Variants in TLL1 observed in about 807,000 individuals in gnomAD.
TLL1 encodes the protein tolloid like 1.
A neutral mutation model predicts 128.2 loss-of-function variants in TLL1; 49 were observed. That is an observed-to-expected ratio of 0.38 (90% CI 0.30 to 0.48). TLL1 has a LOEUF of 0.48. TLL1 is among the 20% of genes least tolerant of loss of function. The probability of loss-of-function intolerance (pLI) is 0.96; values close to 1 mark genes in which losing one functional copy is unlikely to be tolerated. For synonymous variants in TLL1, 454 were observed against 418.8 expected, an observed-to-expected ratio of 1.08 and a Z score of -1.03; for missense variants, 1,123 against 1,242.0, an observed-to-expected ratio of 0.90 and a Z score of 1.44.
chr4:165,921,025 G>A (rs922115167), intron 1 of TLL1, among the ~76,000 whole-genome samples: 5 of 152,134 alleles, frequency 3.3e-5, no homozygotes, highest in Middle Eastern at 3.2e-3. Flanking sequence ...TGGGAAGAGC[G>A]TGGAACATGC....
intron 1 of TLL1, among the ~76,000 whole-genome samples, chr4:165,899,724 G>T (rs1731864739): frequency 6.6e-6 from 1 of 152,164 alleles, no homozygotes. Flanking sequence ...GAGTTCTGTA[G>T]ATGTCTATCA....
chr4:165,965,112 A>AT (rs1402762750), intron 1 of TLL1, among the ~76,000 whole-genome samples: 1 of 152,054 alleles, frequency 6.6e-6, no homozygotes, highest in Non-Finnish European at 1.5e-5. Flanking sequence ...CAAAAACTGC[A>AT]TTTTTAGTCT....
intron 1 of TLL1, among the ~76,000 whole-genome samples, chr4:165,973,213 G>A (rs1321450242): frequency 6.6e-6 from 1 of 152,092 alleles, no homozygotes; most frequent in Non-Finnish European, 1.5e-5. Flanking sequence ...AGCAAGTAGT[G>A]GCTCAGTCTG....
intron 1 of TLL1, among the ~76,000 whole-genome samples, chr4:165,980,537 A>T (rs1736108190): frequency 6.6e-6 from 1 of 152,170 alleles, no homozygotes; most frequent in Non-Finnish European, 1.5e-5. Context: ...TCTCATTCAG[A>T]AATAACTCAG....
At chr4:165,977,860 T>C (rs1305024694) in intron 1 of TLL1, among the ~76,000 whole-genome samples, 1 of 152,202 alleles carries the variant, frequency 6.6e-6, no homozygotes, top group Non-Finnish European at 1.5e-5. Context: ...TCTCACTAGT[T>C]ATGAGGTAAT....
intron 1 of TLL1, among the ~76,000 whole-genome samples, chr4:165,896,174 C>T (rs1490784473): frequency 6.6e-6 from 1 of 152,074 alleles, no homozygotes; most frequent in African/African-American, 2.4e-5. Flanking sequence ...TGAGTGAGAA[C>T]ATGTAGTGGT....
At chr4:166,064,573 T>G (rs1021521728) in intron 15 of TLL1, among the ~76,000 whole-genome samples, 2 of 152,116 alleles carry the variant, frequency 1.3e-5, no homozygotes, top group African/African-American at 4.8e-5. Flanking sequence ...TGTATTTTCA[T>G]AGTTTGATAT....
intron 1 of TLL1, among the ~76,000 whole-genome samples, chr4:165,947,929 C>T (rs867863823): frequency 6.6e-6 from 1 of 152,138 alleles, no homozygotes; most frequent in Admixed American, 6.6e-5. Context: ...CGAAATAAGG[C>T]TGTTTGAACC....
intron 9 of TLL1, among the ~76,000 whole-genome samples, chr4:166,027,248 C>G (rs1004707149): frequency 6.6e-6 from 1 of 151,760 alleles, no homozygotes; most frequent in African/African-American, 2.4e-5. Context: ...GATGGGGGAG[C>G]CTGAAAAGGG....
intron 6 of TLL1, among the ~76,000 whole-genome samples, 195 bp from the exon 7 acceptor site, chr4:166,007,748 A>G (rs1484738468): frequency 6.6e-6 from 1 of 151,686 alleles, no homozygotes; most frequent in African/African-American, 2.4e-5. Context: ...CTTTGTTCCA[A>G]TTCAATATTG....
chr4:165,947,330 A>G (rs938792837), intron 1 of TLL1, among the ~76,000 whole-genome samples: 1 of 152,060 alleles, frequency 6.6e-6, no homozygotes, highest in African/African-American at 2.4e-5. Context: ...ATACAGCCAC[A>G]TTGGATGTTA....
chr4:165,996,243 C>T (rs974381375), intron 5 of TLL1, among the ~76,000 whole-genome samples: 10 of 152,146 alleles, frequency 6.6e-5, no homozygotes, highest in African/African-American at 2.4e-4. Context: ...GGTTAAGTTA[C>T]CTCTGTGTCC....
intron 1 of TLL1, among the ~76,000 whole-genome samples, chr4:165,883,480 G>T (rs968194894): frequency 1.3e-5 from 2 of 152,126 alleles, no homozygotes; most frequent in Non-Finnish European, 2.9e-5. Context: ...CTTTCAGCAA[G>T]TTATTTAACC....
intron 1 of TLL1, among the ~76,000 whole-genome samples, chr4:165,932,177 T>TA (rs1188548892): frequency 6.6e-6 from 1 of 152,146 alleles, no homozygotes. Flanking sequence ...GTCTCCTAGT[T>TA]AGGCAGTCCA....
intron 20 of TLL1, among the ~76,000 whole-genome samples, 154 bp from the exon 21 acceptor site, chr4:166,100,588 A>G (rs1422862959): frequency 6.6e-6 from 1 of 152,160 alleles, no homozygotes; most frequent in Admixed American, 6.6e-5. Context: ...TCTCCTCTAT[A>G]AAGTGAAGAA....
At chr4:166,096,624 GCCTGTACCAGAT>G (rs1253347384) in intron 19 of TLL1, among the ~76,000 whole-genome samples, 8 of 152,038 alleles carry the variant, frequency 5.3e-5, no homozygotes, top group Non-Finnish European at 7.4e-5. Context: ...ACAAAAGGCT[GCCTGTACCAGAT>G]CTCCAGGTCC....
At chr4:166,093,087 AC>A (rs1284370944) in intron 19 of TLL1, among the ~76,000 whole-genome samples, 1 of 152,134 alleles carries the variant, frequency 6.6e-6, no homozygotes, top group Non-Finnish European at 1.5e-5. Flanking sequence ...GCCTCTCCAC[AC>A]CTGTGGGTAT....
chr4:166,050,333 C>T (rs1044008977), intron 12 of TLL1, among the ~76,000 whole-genome samples: 1 of 152,096 alleles, frequency 6.6e-6, no homozygotes, highest in Non-Finnish European at 1.5e-5. Context: ...TTTTATTTAT[C>T]CATTCATCTA....
intron 1 of TLL1, among the ~76,000 whole-genome samples, chr4:165,956,533 G>T (rs1205884306): frequency 7.6e-6 from 1 of 131,532 alleles, no homozygotes; most frequent in Admixed American, 7.0e-5. Flanking sequence ...AAGAAGAAAA[G>T]TGACTTTTTT....
Sources: gnomAD v4.1 joint callset for allele counts (sites outside exome capture counted in the v4.1 genomes callset) on GRCh38, gnomAD v4.1.1 for gene constraint, MANE v1.5 for transcripts, NCBI Gene and HGNC (gene_info 2026-07-23, HGNC 2026-07-21) for gene names.